Variants in SPTBN1 observed in about 807,000 individuals in gnomAD.
The protein encoded by SPTBN1 is spectrin beta, non-erythrocytic 1.
Under a neutral mutation model 266.4 loss-of-function variants are expected in SPTBN1, and 32 were observed. The observed-to-expected ratio is 0.12, with a 90% CI of 0.09 to 0.16. SPTBN1 has a LOEUF of 0.16. Among genes scored for constraint, SPTBN1 ranks in the 10% least tolerant of loss-of-function variants. The pLI, the probability that SPTBN1 is intolerant of heterozygous loss-of-function variation, is 1.00. For missense variants in SPTBN1, 2,296 were observed against 3,067.1 expected (o/e 0.75, Z 5.94); for synonymous variants, 1,336 against 1,162.2 (o/e 1.15, Z -3.04).
At chr2:54,611,472 C>A (rs1052424546) in intron 3 of SPTBN1, among the ~76,000 whole-genome samples, 11 of 151,424 alleles carry the variant, frequency 7.3e-5, no homozygotes, top group African/African-American at 2.7e-4. Flanking sequence ...TCTACTCTCT[C>A]TCTATATATA....
At position 54,669,997 on chromosome 2, in the gene SPTBN1, C is replaced by T. The variant is rs1037917004; in HGVS notation, c.*1428C>T. 6.6e-6 allele frequency: 1 copy of T among 152,170 alleles called. No individual in the cohort carries two copies. The highest frequency in any genetic ancestry group is 2.4e-5 in the African/African-American group (1 of 41,440). 9.4% of individuals were successfully genotyped at this position (152,170 alleles called of 1,614,324 possible). A position where few individuals can be genotyped will look rare whatever the true frequency, so the allele number is the denominator to read the frequency against. ...TAGTAAATATTTTAGGCTTTGTAGGCCGTAACTGTCTCTGTTGCTCAATTC... is the reference window on the plus strand; with the variant it reads ...TAGTAAATATTTTAGGCTTTGTAGGTCGTAACTGTCTCTGTTGCTCAATTC... On this transcript the variant is annotated 3_prime_UTR_variant, in exon 36 of 36. Coordinates refer to ENST00000356805, the MANE Select transcript of SPTBN1 (RefSeq NM_003128.3).
rs1678828884 is a variant in SPTBN1 at position 54,632,656 on chromosome 2, G to A, written c.3655G>A (p.Asp1219Asn). 1 of 1,614,234 alleles carries A rather than the reference G, an allele frequency of 6.2e-7. No homozygotes were observed. The change falls in exon 17 of 36, where the codon GAC becomes AAC. Residue 1219 changes from aspartate (D) to asparagine (N), a missense_variant. By Grantham distance (23) the Asp-to-Asn change is conservative. Transcript: ENST00000356805. ...KKQEDFMTTM[D>N]ANEEKINAVV... Reference sequence around the variant, plus strand: ...GCAAGAGGACTTCATGACCACCATGGACGCCAATGAGGAGAAGATCAATGC... The same window carrying A: ...GCAAGAGGACTTCATGACCACCATGAACGCCAATGAGGAGAAGATCAATGC...
chr2:54,632,265 A>T (rs1004646493), intron 16 of SPTBN1, among the ~76,000 whole-genome samples: 2 of 152,146 alleles, frequency 1.3e-5, no homozygotes, highest in Non-Finnish European at 2.9e-5. Flanking sequence ...TATGAAGGGT[A>T]CATTGCTGTT....
At chr2:54,633,661 A>C (rs1678916907) in intron 17 of SPTBN1, among the ~76,000 whole-genome samples, 1 of 152,228 alleles carries the variant, frequency 6.6e-6, no homozygotes, top group Non-Finnish European at 1.5e-5. Context: ...GCTTGCTGTG[A>C]GACTGATGTA....
intron 1 of SPTBN1, among the ~76,000 whole-genome samples, chr2:54,523,060 G>A (rs1670583569): frequency 2.6e-5 from 4 of 152,240 alleles, no homozygotes; most frequent in South Asian, 2.1e-4. Flanking sequence ...TTTTATAAAA[G>A]TCTCTGATAT....
intron 2 of SPTBN1, chr2:54,545,418 G>A (rs1374904165): frequency 3.9e-5 from 6 of 152,086 alleles, no homozygotes; most frequent in African/African-American, 1.2e-4. Flanking sequence ...TATATAAAAC[G>A]GAGTAAACTT....
chr2:54,500,748 A>G (rs549004948), intron 1 of SPTBN1, among the ~76,000 whole-genome samples: 92 of 152,186 alleles, frequency 6.0e-4, no homozygotes, highest in Non-Finnish European at 9.9e-4. Context: ...ATGTTGCCCA[A>G]GGTGGTCTCA....
At chr2:54,616,716 T>C (rs1677640330) in intron 5 of SPTBN1, among the ~76,000 whole-genome samples, 1 of 152,254 alleles carries the variant, frequency 6.6e-6, no homozygotes, top group Admixed American at 6.5e-5. Context: ...GTTTCCCTTT[T>C]ATTTTTTCAT....
rs531847850 is a variant in SPTBN1 at position 54,526,397 on chromosome 2, G to A, written c.-22G>A. On this transcript the variant is annotated 5_prime_UTR_variant, in exon 2 of 36. Transcript: ENST00000356805. ...AACTCTAAGAAGGAGCTGATGTGGA[G>A]GAGCAGCTGAGACAGTTCAAGATGA... is the stretch of plus-strand genomic sequence containing the variant. 7.4e-6 allele frequency: 12 copies of A among 1,611,814 alleles called. No individual in the cohort carries two copies. In the African/African-American group the frequency reaches 1.1e-4, roughly 14 times the overall value.
chr2:54,617,071 T>C (rs1275207265), intron 5 of SPTBN1, among the ~76,000 whole-genome samples: 5 of 152,224 alleles, frequency 3.3e-5, no homozygotes, highest in Non-Finnish European at 5.9e-5. Flanking sequence ...TAATAGTCAA[T>C]ATGGTATAGA....
chr2:54,561,998 C>T (rs1449880378), intron 2 of SPTBN1, among the ~76,000 whole-genome samples: 1 of 151,986 alleles, frequency 6.6e-6, no homozygotes, highest in Non-Finnish European at 1.5e-5. Flanking sequence ...ACACCCAACA[C>T]CCAACACACA....
intron 2 of SPTBN1, among the ~76,000 whole-genome samples, chr2:54,566,686 C>T (rs1673687572): frequency 6.6e-6 from 1 of 151,882 alleles, no homozygotes; most frequent in South Asian, 2.1e-4. Flanking sequence ...CAAAAATTAC[C>T]TGGGCATGGT....
At chr2:54,568,235 G>T (rs1289123453) in intron 2 of SPTBN1, among the ~76,000 whole-genome samples, 1 of 151,608 alleles carries the variant, frequency 6.6e-6, no homozygotes, top group Non-Finnish European at 1.5e-5. Flanking sequence ...ACAAAAATCA[G>T]CCGGTTGTGG....
intron 1 of SPTBN1, among the ~76,000 whole-genome samples, chr2:54,466,530 C>T (rs1379961755): frequency 4.5e-5 from 1 of 22,366 alleles, no homozygotes; most frequent in Non-Finnish European, 6.3e-5. Context: ...CCACTGCACT[C>T]CAGCCTGGGC....
intron 2 of SPTBN1, among the ~76,000 whole-genome samples, chr2:54,585,350 T>G (rs1006931336): frequency 2.6e-5 from 4 of 152,236 alleles, no homozygotes; most frequent in African/African-American, 4.8e-5. Context: ...AGGGATCTTA[T>G]GGTGCTACCC....
At chr2:54,607,215 A>G (rs1437110785) in intron 3 of SPTBN1, among the ~76,000 whole-genome samples, 4 of 152,268 alleles carry the variant, frequency 2.6e-5, no homozygotes, top group African/African-American at 7.2e-5. Flanking sequence ...GGGAAGAACA[A>G]TGAAAAATAA....
At chr2:54,666,394 A>T (rs1330120620) in intron 34 of SPTBN1, among the ~76,000 whole-genome samples, 1 of 152,232 alleles carries the variant, frequency 6.6e-6, no homozygotes, top group East Asian at 1.9e-4. Flanking sequence ...CACATTTCAC[A>T]GTTTAAGGGA....
At chr2:54,510,403 A>G (rs1260175319) in intron 1 of SPTBN1, among the ~76,000 whole-genome samples, 2 of 152,218 alleles carry the variant, frequency 1.3e-5, no homozygotes, top group Non-Finnish European at 2.9e-5. Flanking sequence ...GAAGGTGAGC[A>G]CAATTTGGTC....
Position 54,626,281 on chromosome 2 carries a change from GCT to G in SPTBN1, c.1644+52_1644+53del. 1 of 1,566,774 alleles carries G rather than the reference GCT, an allele frequency of 6.4e-7. No homozygotes were observed. The highest frequency in any genetic ancestry group is 8.7e-7 in the Non-Finnish European group (1 of 1,154,456). ...GGACGACAGAGCTGATCCAACCAGG[GCT>G]CTCTTTTCTGTGACTCATTCACTAA... On this transcript the variant is annotated intron_variant, in intron 12 of 35. Coordinates refer to ENST00000356805, the MANE Select transcript of SPTBN1 (RefSeq NM_003128.3). The surrounding 1 kb of genome is among the most constrained non-coding windows in gnomAD (Gnocchi z 4.7).
Sources: gnomAD v4.1 joint callset for allele counts (sites outside exome capture counted in the v4.1 genomes callset) on GRCh38, gnomAD v4.1.1 for gene constraint, Gnocchi (gnomAD v3.1) non-coding constraint, MANE v1.5 for transcripts, NCBI Gene and HGNC (gene_info 2026-07-23, HGNC 2026-07-21) for gene names.